The following KYNU variants were observed in gnomAD, a reference collection of about 807,000 sequenced individuals.
KYNU encodes kynureninase.
A neutral mutation model predicts 59.2 loss-of-function variants in KYNU; 54 were observed. The observed-to-expected ratio is 0.91, with a 90% CI of 0.73 to 1.14. The LOEUF (loss-of-function observed/expected upper bound fraction) is 1.14. KYNU is among the 50% of genes most tolerant of loss of function. The pLI is 0.00. For missense variants in KYNU, 567 were observed against 554.4 expected (o/e 1.02, Z -0.23); for synonymous variants, 177 against 192.0 (o/e 0.92, Z 0.65).
intron 2 of KYNU, among the ~76,000 whole-genome samples, chr2:142,904,712 G>A (rs895996069): frequency 1.3e-5 from 2 of 152,138 alleles, no homozygotes; most frequent in African/African-American, 4.8e-5. Context: ...GCCTTGGGGG[G>A]AATGTTTTGC....
chr2:142,969,055 G>A (rs1167705032), intron 8 of KYNU, among the ~76,000 whole-genome samples: 1 of 151,980 alleles, frequency 6.6e-6, no homozygotes, highest in Admixed American at 6.6e-5. Context: ...CATTCCCTCA[G>A]TGACAATAAA....
intron 10 of KYNU, among the ~76,000 whole-genome samples, chr2:143,015,392 CA>C (rs1686218774): frequency 6.6e-6 from 1 of 151,778 alleles, no homozygotes; most frequent in South Asian, 2.1e-4. Flanking sequence ...ATGAACAGAC[CA>C]GGGGCATCAT....
intron 10 of KYNU, among the ~76,000 whole-genome samples, chr2:142,996,925 A>G (rs905141155): frequency 6.6e-6 from 1 of 152,150 alleles, no homozygotes; most frequent in Admixed American, 6.5e-5. Context: ...AAGCATCACA[A>G]TTGAGTGAAC....
At chr2:142,952,347 A>T (rs1028025212) in intron 4 of KYNU, among the ~76,000 whole-genome samples, 2 of 151,998 alleles carry the variant, frequency 1.3e-5, no homozygotes, top group Non-Finnish European at 2.9e-5. Context: ...AAGTGTTGGG[A>T]TTAGAGATAT....
Position 142,886,279 on chromosome 2 carries a change from T to C in KYNU, c.169+743T>C, listed in dbSNP as rs115428725. Among the ~76,000 whole-genome samples the C allele has an allele frequency of 7.6e-3, 1,159 of 152,346 alleles. 7 individuals carry two copies. The highest frequency in any genetic ancestry group is 0.027 in the African/African-American group (1,111 of 41,574). On this transcript the variant is annotated intron_variant, in intron 2 of 13. Transcript: ENST00000264170. Reference sequence around the variant, plus strand: ...TCCTTTATAATAGTCTGATTCCATTTTTATTCAGATTAAATAAGGTACAAT... The same window carrying C: ...TCCTTTATAATAGTCTGATTCCATTCTTATTCAGATTAAATAAGGTACAAT...
chr2:142,962,589 T>A (rs1473328864), intron 8 of KYNU, among the ~76,000 whole-genome samples: 1 of 152,184 alleles, frequency 6.6e-6, no homozygotes, highest in East Asian at 1.9e-4. Context: ...AGCCATTTGT[T>A]AAATGTTTTG....
intron 2 of KYNU, among the ~76,000 whole-genome samples, chr2:142,912,617 G>T (rs1329998560): frequency 1.3e-5 from 2 of 150,828 alleles, no homozygotes; most frequent in African/African-American, 4.9e-5. Context: ...AACCTCAGGT[G>T]ATCCGCCCAC....
At chr2:142,953,195 A>G (rs1182283050) in intron 4 of KYNU, among the ~76,000 whole-genome samples, 1 of 152,242 alleles carries the variant, frequency 6.6e-6, no homozygotes, top group African/African-American at 2.4e-5. Context: ...GGCAATTGAC[A>G]ACAACAAGAT....
At chr2:142,921,463 C>T (rs1325629965) in intron 3 of KYNU, among the ~76,000 whole-genome samples, 1 of 152,136 alleles carries the variant, frequency 6.6e-6, no homozygotes, top group Non-Finnish European at 1.5e-5. Context: ...GTATTCCCAG[C>T]ACTTTGGGAG....
At chr2:142,933,450 G>A (rs773404311) in intron 4 of KYNU, among the ~76,000 whole-genome samples, 16 of 152,106 alleles carry the variant, frequency 1.1e-4, no homozygotes, top group African/African-American at 2.9e-4. Context: ...CAAGTAGAGC[G>A]AAGGAGGGAA....
At chr2:142,937,088 TG>T (rs1308711415) in intron 4 of KYNU, among the ~76,000 whole-genome samples, 1 of 152,182 alleles carries the variant, frequency 6.6e-6, no homozygotes, top group Non-Finnish European at 1.5e-5. Context: ...GTAACTGCTA[TG>T]TTGTACCTGG....
At chr2:142,929,260 CAA>C (rs1391147668) in intron 4 of KYNU, among the ~76,000 whole-genome samples, 1 of 144,202 alleles carries the variant, frequency 6.9e-6, no homozygotes, top group African/African-American at 2.6e-5. Flanking sequence ...AAAAAAATTA[CAA>C]AGTCTAAACT....
At chr2:142,917,034 C>G (rs899177403) in intron 2 of KYNU, among the ~76,000 whole-genome samples, 1 of 152,158 alleles carries the variant, frequency 6.6e-6, no homozygotes. Context: ...ATATCACAAT[C>G]TCTACAATAA....
chr2:142,927,567 T>C (rs1683083516), intron 3 of KYNU, 92 bp from the exon 4 acceptor site: 1 of 962,022 alleles, frequency 1.0e-6, no homozygotes. Context: ...AAGGTCCACA[T>C]AGAAATGTTT....
At chr2:143,028,085 T>C (rs1366794310) in intron 10 of KYNU, among the ~76,000 whole-genome samples, 2 of 152,060 alleles carry the variant, frequency 1.3e-5, no homozygotes, top group Non-Finnish European at 1.5e-5. Context: ...AACTAAAATA[T>C]TTAGGGATAA....
At chr2:142,971,838 A>G (rs1338974118) in intron 8 of KYNU, among the ~76,000 whole-genome samples, 3 of 152,204 alleles carry the variant, frequency 2.0e-5, no homozygotes, top group Admixed American at 2.0e-4. Context: ...ATAACTTATA[A>G]TGGTTAATTA....
intron 8 of KYNU, among the ~76,000 whole-genome samples, chr2:142,970,343 T>C (rs1382781506): frequency 6.6e-6 from 1 of 152,182 alleles, no homozygotes; most frequent in African/African-American, 2.4e-5. Flanking sequence ...TCTTCGAGAA[T>C]TGTCCCATAG....
intron 4 of KYNU, chr2:142,946,998 T>A (rs1360325421): frequency 3.3e-6 from 5 of 1,514,824 alleles, no homozygotes; most frequent in Non-Finnish European, 4.5e-6. Context: ...TTGAGACAAG[T>A]TTATTAGTAA....
rs1311664261 is a variant in KYNU, at chr2:143,054,180, T to C, written c.*12008T>C. On this transcript the variant is annotated 3_prime_UTR_variant, in exon 14 of 14. Transcript: ENST00000264170. ...ATTTAATTTTTATAAATTTTCTTTTTAAATTTTAGATTCTACAATATCTCC... is the reference window on the plus strand; with the variant it reads ...ATTTAATTTTTATAAATTTTCTTTTCAAATTTTAGATTCTACAATATCTCC... 2 of 152,196 alleles carry C rather than the reference T, an allele frequency of 1.3e-5. No homozygotes were observed. Among genetic ancestry groups the C allele is most frequent in the Admixed American group, 1.3e-4 (2 of 15,280 alleles). The allele number at this position is 152,196 out of a possible 1,614,324, so 9.4% of individuals were successfully genotyped here.
Sources: allele counts gnomAD v4.1 joint callset (sites outside exome capture counted in the v4.1 genomes callset), GRCh38; gene constraint gnomAD v4.1.1; transcripts MANE v1.5; gene names NCBI Gene and HGNC (gene_info 2026-07-23, HGNC 2026-07-21).